The following CTNND2 variants were observed in gnomAD, a reference collection of about 807,000 sequenced individuals.
The protein encoded by CTNND2 is catenin delta 2.
In CTNND2, 22 loss-of-function variants were observed where a neutral mutation model predicts 144.4. The ratio of observed to expected loss-of-function variants is 0.15; its 90% CI spans 0.11 to 0.22. The LOEUF (loss-of-function observed/expected upper bound fraction) is 0.22, where lower values mean the gene tolerates loss of function less well. Among genes scored for constraint, CTNND2 ranks in the 10% least tolerant of loss-of-function variants. CTNND2 has a pLI of 1.00. For synonymous variants in CTNND2, 751 were observed against 695.6 expected, an observed-to-expected ratio of 1.08 and a Z score of -1.25; for missense variants, 1,353 against 1,618.8, an observed-to-expected ratio of 0.84 and a Z score of 2.82.
intron 2 of CTNND2, among the ~76,000 whole-genome samples, chr5:11,593,456 G>A (rs1157373901): frequency 6.6e-6 from 1 of 152,122 alleles, no homozygotes; most frequent in Admixed American, 6.5e-5. Context: ...ATTGGCAAAC[G>A]ATTGATATAG....
At chr5:11,307,630 A>C (rs114199795) in intron 9 of CTNND2, among the ~76,000 whole-genome samples, 1 of 152,214 alleles carries the variant, frequency 6.6e-6, no homozygotes, top group East Asian at 1.9e-4. Flanking sequence ...ACAATTTTCT[A>C]TAAGAAAAAC....
rs538979024 is a variant in CTNND2, at chr5:11,636,002, C to T, written c.175-70946G>A. ...TGTTCAAATGTCTTATCTTCTGAGG[C>T]CCTCCAAGCATCAATGGTTTAATCC... On this transcript the variant is annotated intron_variant, in intron 2 of 21. Coordinates refer to ENST00000304623, the MANE Select transcript of CTNND2 (RefSeq NM_001332.4). 1.1e-4 allele frequency among the ~76,000 whole-genome samples: 16 copies of T among 151,102 alleles called. No individual in the cohort carries two copies. The East Asian group carries it at 2.6e-3, about 24-fold the overall frequency.
At chr5:11,740,052 A>G (rs1787911360) in intron 1 of CTNND2, among the ~76,000 whole-genome samples, 1 of 152,236 alleles carries the variant, frequency 6.6e-6, no homozygotes, top group Non-Finnish European at 1.5e-5. Context: ...ACACAAACAA[A>G]TGCAAGAACA....
chr5:11,767,928 T>TTTTG (rs1554117899), intron 1 of CTNND2, among the ~76,000 whole-genome samples: 20 of 152,062 alleles, frequency 1.3e-4, no homozygotes, highest in Non-Finnish European at 2.8e-4. Flanking sequence ...TATCTCATAG[T>TTTTG]TTTGTCTGCT....
intron 2 of CTNND2, among the ~76,000 whole-genome samples, chr5:11,658,001 T>C (rs898031905): frequency 1.3e-5 from 2 of 152,152 alleles, no homozygotes; most frequent in Non-Finnish European, 2.9e-5. Context: ...AAAATCATTT[T>C]CTCCAAATCA....
intron 3 of CTNND2, among the ~76,000 whole-genome samples, chr5:11,555,719 CA>C (rs1776177614): frequency 6.9e-6 from 1 of 144,722 alleles, no homozygotes; most frequent in African/African-American, 2.5e-5. Flanking sequence ...TAAAAAAAAA[CA>C]GAAATAATGT....
chr5:11,306,727 G>T (rs1580855374), intron 9 of CTNND2, among the ~76,000 whole-genome samples: 1 of 152,188 alleles, frequency 6.6e-6, no homozygotes, highest in Non-Finnish European at 1.5e-5. Flanking sequence ...CTGATGCTTT[G>T]ATCTTTCACC....
At chr5:11,146,491 T>C (rs1757257121) in intron 12 of CTNND2, among the ~76,000 whole-genome samples, 1 of 152,184 alleles carries the variant, frequency 6.6e-6, no homozygotes, top group African/African-American at 2.4e-5. Context: ...TAAGCTTCAG[T>C]TTTTTCTTAT....
intron 3 of CTNND2, among the ~76,000 whole-genome samples, chr5:11,443,343 GAGT>G: frequency 1.3e-5 from 1 of 78,156 alleles, no homozygotes; most frequent in African/African-American, 6.5e-5. Flanking sequence ...TGTGTGTGGG[GAGT>G]GTGTGGGAGG....
chr5:11,346,758 A>C (rs1754836163), intron 8 of CTNND2, 131 bp from the exon 9 acceptor site: 4 of 846,462 alleles, frequency 4.7e-6, no homozygotes, highest in Admixed American at 4.0e-5. Flanking sequence ...AAAAAAAATT[A>C]ATCCATCATA....
intron 8 of CTNND2, among the ~76,000 whole-genome samples, chr5:11,354,816 C>A (rs1230594371): frequency 3.9e-5 from 6 of 152,128 alleles, no homozygotes; most frequent in Non-Finnish European, 7.4e-5. Flanking sequence ...CTAAACTGCA[C>A]ATGAAACATT....
intron 2 of CTNND2, among the ~76,000 whole-genome samples, chr5:11,723,933 GTAGT>G (rs1786849323): frequency 6.6e-6 from 1 of 151,998 alleles, no homozygotes; most frequent in Non-Finnish European, 1.5e-5. Flanking sequence ...GCGGGCACCT[GTAGT>G]CCCAGCTGCT....
intron 1 of CTNND2, among the ~76,000 whole-genome samples, chr5:11,770,807 T>C (rs1300136357): frequency 6.6e-6 from 1 of 151,838 alleles, no homozygotes; most frequent in Non-Finnish European, 1.5e-5. Context: ...AGAGAGAATA[T>C]GTGTGTGAGA....
chr5:11,142,180 G>C (rs775518193), intron 12 of CTNND2, among the ~76,000 whole-genome samples: 3 of 152,168 alleles, frequency 2.0e-5, no homozygotes, highest in Non-Finnish European at 4.4e-5. Flanking sequence ...AATGGACTAA[G>C]ACACCTGTCA....
intron 2 of CTNND2, among the ~76,000 whole-genome samples, chr5:11,669,829 T>C (rs994913126): frequency 4.6e-5 from 7 of 152,140 alleles, no homozygotes; most frequent in African/African-American, 1.7e-4. Flanking sequence ...CTAGTTCTTG[T>C]AATTGTGATG....
intron 18 of CTNND2, among the ~76,000 whole-genome samples, chr5:10,995,490 G>A (rs563137188): frequency 1.2e-4 from 18 of 152,338 alleles, no homozygotes; most frequent in Non-Finnish European, 1.8e-4. Context: ...GTTGGTAAAT[G>A]TCTAACTCCA....
intron 3 of CTNND2, among the ~76,000 whole-genome samples, chr5:11,462,277 C>G (rs1217509454): frequency 6.6e-6 from 1 of 152,140 alleles, no homozygotes; most frequent in Non-Finnish European, 1.5e-5. Flanking sequence ...TCTTTGATTT[C>G]GATGACCTCG....
intron 11 of CTNND2, among the ~76,000 whole-genome samples, chr5:11,170,186 C>T (rs61751823): frequency 0.012 from 1,894 of 152,250 alleles, 14 homozygotes; most frequent in Non-Finnish European, 0.019. Flanking sequence ...AACAATCAGA[C>T]AAACGTCAGA....
intron 3 of CTNND2, among the ~76,000 whole-genome samples, chr5:11,473,804 A>G (rs1244162834): frequency 2.6e-5 from 4 of 152,376 alleles, no homozygotes; most frequent in Middle Eastern, 6.8e-3. Flanking sequence ...AGAGCATCCA[A>G]GAAGAGCTTC....
Sources: allele counts gnomAD v4.1 joint callset (sites outside exome capture counted in the v4.1 genomes callset), GRCh38; gene constraint gnomAD v4.1.1; transcripts MANE v1.5; gene names NCBI Gene and HGNC (gene_info 2026-07-23, HGNC 2026-07-21).